Variants in MMRN1 observed in about 807,000 individuals in gnomAD.
The protein encoded by MMRN1 is multimerin-1.
A neutral mutation model predicts 100.7 loss-of-function variants in MMRN1; 94 were observed. That is an observed-to-expected ratio of 0.93 (90% CI 0.79 to 1.11). The LOEUF (loss-of-function observed/expected upper bound fraction) is 1.11. MMRN1 is among the 50% of genes least tolerant of loss of function. The pLI is 0.00. For synonymous variants in MMRN1, 575 were observed against 505.0 expected (o/e 1.14, Z -1.86); for missense variants, 1,606 against 1,439.1 (o/e 1.12, Z -1.88).
chr4:89,921,704 C>A (rs1722095058), intron 3 of MMRN1, among the ~76,000 whole-genome samples: 1 of 152,012 alleles, frequency 6.6e-6, no homozygotes, highest in Non-Finnish European at 1.5e-5. Flanking sequence ...AAATGAAAAT[C>A]AAAAAGAAAC....
At chr4:89,921,918 T>C (rs1722101454) in intron 3 of MMRN1, among the ~76,000 whole-genome samples, 2 of 152,140 alleles carry the variant, frequency 1.3e-5, no homozygotes. Context: ...GTGCCAGAGA[T>C]GCAGAGTTTC....
Position 89,894,952 on chromosome 4 carries a change from C to T in MMRN1, c.-20C>T. 1.3e-6 allele frequency: 2 copies of T among 1,588,286 alleles called. No individual in the cohort carries two copies. Among genetic ancestry groups the T allele is most frequent in the Non-Finnish European group, 1.7e-6 (2 of 1,167,078 alleles). ...TTGTCCCCAAATTTCACATGAGCTA[C>T]CTTGCTTCAAACTACTGAGATGAAG... is the stretch of plus-strand genomic sequence containing the variant. On this transcript the variant is annotated 5_prime_UTR_variant, in exon 1 of 8. Coordinates refer to ENST00000264790, the MANE Select transcript of MMRN1 (RefSeq NM_007351.3).
At chr4:89,902,668 CACT>C (rs1195595892) in intron 1 of MMRN1, among the ~76,000 whole-genome samples, 1 of 151,876 alleles carries the variant, frequency 6.6e-6, no homozygotes, top group Non-Finnish European at 1.5e-5. Flanking sequence ...ACACTGTTCC[CACT>C]ACAGAAAGCA....
At chr4:89,912,930 C>T (rs1215262777) in intron 3 of MMRN1, among the ~76,000 whole-genome samples, 3 of 151,142 alleles carry the variant, frequency 2.0e-5, no homozygotes, top group Non-Finnish European at 3.0e-5. Context: ...GCAAATTTCA[C>T]CATAATGCTA....
chr4:89,933,439 A>C (rs980912647), intron 5 of MMRN1, among the ~76,000 whole-genome samples: 1 of 152,184 alleles, frequency 6.6e-6, no homozygotes, highest in South Asian at 2.1e-4. Context: ...CACTCTATTG[A>C]TAACCATACC....
At chr4:89,908,785 G>A (rs1023391089) in intron 1 of MMRN1, among the ~76,000 whole-genome samples, 2 of 150,794 alleles carry the variant, frequency 1.3e-5, no homozygotes, top group South Asian at 4.2e-4. Flanking sequence ...TATAATAATC[G>A]GCATCTAGAC....
upstream of MMRN1, among the ~76,000 whole-genome samples, chr4:89,890,249 T>C (rs62659062): frequency 3.3e-4 from 48 of 143,316 alleles, no homozygotes; most frequent in Admixed American, 7.6e-4. Flanking sequence ...TTTTTTTTTT[T>C]CCCCTGTGCT....
chr4:89,944,851 G>A (rs1467710263), intron 6 of MMRN1, among the ~76,000 whole-genome samples: 1 of 152,134 alleles, frequency 6.6e-6, no homozygotes, highest in Non-Finnish European at 1.5e-5. Context: ...AACAACGCGA[G>A]TTTATTTGTT....
intron 6 of MMRN1, among the ~76,000 whole-genome samples, chr4:89,948,378 G>C (rs1211453736): frequency 6.6e-6 from 1 of 152,068 alleles, no homozygotes; most frequent in Non-Finnish European, 1.5e-5. Flanking sequence ...CATCTATACA[G>C]AATAAAACTG....
intron 1 of MMRN1, among the ~76,000 whole-genome samples, chr4:89,902,354 A>C (rs937559408): frequency 2.0e-5 from 3 of 148,310 alleles, no homozygotes; most frequent in African/African-American, 7.7e-5. Flanking sequence ...AAGTTATAGA[A>C]GAGAAAAAAA....
rs1353366379 is a variant in MMRN1 at position 89,895,005 on chromosome 4, A to G, written c.34A>G (p.Ser12Gly). ...KGARLFVLLS[S>G]LWSGGIGLNN... ...GGCAAGATTATTTGTCCTTCTTTCT[A>G]GTTTATGGAGTGGGGGCATTGGGCT... Residue 12 changes from serine (S) to glycine (G), a missense_variant, in exon 1 of 8, where the codon AGT (serine) becomes GGT (glycine). By Grantham distance (56) the Ser-to-Gly change is moderately conservative. Coordinates refer to ENST00000264790, the MANE Select transcript of MMRN1 (RefSeq NM_007351.3). 15 of 1,613,272 alleles carry G rather than the reference A, an allele frequency of 9.3e-6. No homozygotes were observed. The highest frequency in any genetic ancestry group is 1.3e-5 in the Non-Finnish European group (15 of 1,179,536).
At position 89,953,353 on chromosome 4, in the gene MMRN1, G is replaced by C; in HGVS notation, c.3622G>C (p.Gly1208Arg). The C allele has an allele frequency of 6.2e-7, 1 of 1,613,444 alleles. No homozygotes were observed. The highest frequency in any genetic ancestry group is 8.5e-7 in the Non-Finnish European group (1 of 1,179,698). Residue 1208 changes from glycine (G) to arginine (R), a missense_variant, in exon 8 of 8, where the codon GGA becomes CGA. Gly to Arg is a moderately radical substitution (Grantham distance 125). Coordinates refer to ENST00000264790, the MANE Select transcript of MMRN1 (RefSeq NM_007351.3). ...GGAAGTCTGGTTACGACTTGCAAAAGGAACAATTCCAGCCAAGTTTCCCCC... is the reference window on the plus strand; with the variant it reads ...GGAAGTCTGGTTACGACTTGCAAAACGAACAATTCCAGCCAAGTTTCCCCC... ...GQEVWLRLAKGTIPAKFPPVT... is the reference protein window; with the variant it reads ...GQEVWLRLAKRTIPAKFPPVT...
At chr4:89,911,232 C>G (rs1288464575) in intron 2 of MMRN1, among the ~76,000 whole-genome samples, 1 of 151,374 alleles carries the variant, frequency 6.6e-6, no homozygotes, top group Non-Finnish European at 1.5e-5. Flanking sequence ...CATTTACAAA[C>G]ACACAGAGCT....
At position 89,909,472 on chromosome 4, in the gene MMRN1, A is replaced by C. The variant is rs116496411; in HGVS notation, c.743+77A>C. 3.9e-6 allele frequency: 6 copies of C among 1,533,270 alleles called. No homozygotes were observed. The South Asian group carries it at 5.9e-5, about 15-fold the overall frequency. 95.0% of individuals were successfully genotyped at this position (1,533,270 alleles called of 1,614,324 possible). A position where few individuals can be genotyped will look rare whatever the true frequency, so the allele number is the denominator to read the frequency against. ...TAGCCGGGAATATATAATGTTATTC[A>C]TGCAAGGTACATAATACATAGTAGG... On this transcript the variant is annotated intron_variant, in intron 2 of 7. Transcript: ENST00000264790.
At chr4:89,947,779 G>A (rs1006455000) in intron 6 of MMRN1, among the ~76,000 whole-genome samples, 3 of 152,094 alleles carry the variant, frequency 2.0e-5, no homozygotes, top group Non-Finnish European at 4.4e-5. Flanking sequence ...TACTTATAAA[G>A]GTACCTAACC....
intron 1 of MMRN1, among the ~76,000 whole-genome samples, chr4:89,882,777 CA>C (rs1720848783): frequency 1.3e-5 from 2 of 151,882 alleles, no homozygotes. Context: ...AATATATACA[CA>C]TTAAAATGCA....
chr4:89,942,132 T>G (rs1250154411), intron 6 of MMRN1, among the ~76,000 whole-genome samples: 1 of 152,060 alleles, frequency 6.6e-6, no homozygotes, highest in Non-Finnish European at 1.5e-5. Flanking sequence ...AAAAAGGAAA[T>G]GGGATGGAAT....
chr4:89,919,207 A>AT (rs927955712), intron 3 of MMRN1, among the ~76,000 whole-genome samples: 7 of 151,178 alleles, frequency 4.6e-5, no homozygotes, highest in Admixed American at 1.3e-4. Context: ...TAAAATTCTG[A>AT]TTTTTTCTAA....
At chr4:89,927,333 T>C (rs963530654) in intron 4 of MMRN1, among the ~76,000 whole-genome samples, 40 of 152,150 alleles carry the variant, frequency 2.6e-4, no homozygotes, top group African/African-American at 8.7e-4. Context: ...ACCTTCCACT[T>C]CTTTGGTTAA....
Sources: allele counts gnomAD v4.1 joint callset (sites outside exome capture counted in the v4.1 genomes callset), GRCh38; gene constraint gnomAD v4.1.1; transcripts MANE v1.5; gene names NCBI Gene and HGNC (gene_info 2026-07-23, HGNC 2026-07-21).